The following DIAPH2 variants were observed in gnomAD, a reference collection of about 807,000 sequenced individuals.
DIAPH2 encodes protein diaphanous homolog 2.
DIAPH2 carries 35 observed loss-of-function variants against 92.7 expected under a neutral mutation model. That is an observed-to-expected ratio of 0.38 (90% CI 0.29 to 0.50). The LOEUF is 0.50. DIAPH2 is among the 20% of genes least tolerant of loss of function. The pLI, the probability that DIAPH2 is intolerant of heterozygous loss-of-function variation, is 0.94. For missense variants in DIAPH2, 701 were observed against 819.5 expected (o/e 0.86, Z 1.77); for synonymous variants, 301 against 280.4 (o/e 1.07, Z -0.73).
At chrX:97,444,769 TAAAC>T (rs1205842710) in intron 26 of DIAPH2, among the ~76,000 whole-genome samples, 1 of 111,955 alleles carries the variant, frequency 8.9e-6, no homozygotes, top group African/African-American at 3.2e-5. Flanking sequence ...TCATCAACCA[TAAAC>T]AATCATGAAT....
chrX:97,081,692 C>A (rs181928803), intron 19 of DIAPH2: 1 of 109,287 alleles, frequency 9.2e-6, no homozygotes, highest in Non-Finnish European at 1.9e-5. Flanking sequence ...TGGTGGTGCA[C>A]GCCTGTAATC....
chrX:97,398,711 T>C (rs1196629936), intron 25 of DIAPH2, among the ~76,000 whole-genome samples: 2 of 110,451 alleles, frequency 1.8e-5, no homozygotes, highest in East Asian at 2.8e-4. Context: ...CCCTAGACTT[T>C]AGTAGTTAAC....
chrX:97,509,326 C>A (rs1047562087), intron 26 of DIAPH2, among the ~76,000 whole-genome samples: 4 of 109,496 alleles, frequency 3.7e-5, no homozygotes, highest in African/African-American at 9.9e-5. Context: ...GGATTACAGG[C>A]GTAAGCCACT....
intron 23 of DIAPH2, among the ~76,000 whole-genome samples, chrX:97,275,766 C>T (rs1244498590): frequency 9.2e-6 from 1 of 108,877 alleles, no homozygotes; most frequent in African/African-American, 3.3e-5. Flanking sequence ...GGATGGCGGC[C>T]GGGAAGAGGC....
intron 5 of DIAPH2, among the ~76,000 whole-genome samples, chrX:96,899,044 C>T (rs748161943): frequency 1.1e-4 from 12 of 108,430 alleles, no homozygotes; most frequent in South Asian, 4.1e-4. Context: ...TGTAGATATG[C>T]GGCATTATTT....
chrX:97,079,973 A>T (rs1307333643), intron 19 of DIAPH2, among the ~76,000 whole-genome samples: 1 of 111,454 alleles, frequency 9.0e-6, no homozygotes, highest in Non-Finnish European at 1.9e-5. Flanking sequence ...TATATACCAG[A>T]CACCTGTATT....
At chrX:97,383,806 G>C in intron 24 of DIAPH2, 103 bp from the exon 25 acceptor site, 1 of 741,179 alleles carries the variant, frequency 1.3e-6, no homozygotes, top group Non-Finnish European at 1.8e-6. Context: ...GTTTAACTTT[G>C]TTTATATGTA....
intron 3 of DIAPH2, among the ~76,000 whole-genome samples, chrX:96,740,980 C>G (rs967375247): frequency 9.0e-6 from 1 of 110,666 alleles, no homozygotes; most frequent in East Asian, 2.9e-4. Flanking sequence ...GCTTAATTTA[C>G]GAGTAAATTG....
In DIAPH2 at chrX:97,175,326, C is replaced by A. The variant is rs1422967054; in HGVS notation, c.2719+33532C>A. Among the ~76,000 whole-genome samples the A allele has an allele frequency of 7.2e-5, 8 of 111,590 alleles. No homozygotes were observed. The Admixed American group carries it at 7.7e-4, about 11-fold the overall frequency. On this transcript the variant is annotated intron_variant, in intron 22 of 26. Transcript: ENST00000324765. ...CATAGGCTGTCATCTGATATCAGCA[C>A]TTATGTAATGTCACGATAGGTGGTG...
At chrX:97,348,986 GTGTGTGTATATATATA>G (rs1388517246) in intron 24 of DIAPH2, among the ~76,000 whole-genome samples, 1 of 107,820 alleles carries the variant, frequency 9.3e-6, no homozygotes, top group Non-Finnish European at 1.9e-5. Flanking sequence ...AGGTAAAGGT[GTGTGTGTATATATATA>G]TGTGTGTGTA....
rs1023266086 is a variant in DIAPH2 at position 96,862,723 on chromosome X, A to G, written c.448-18856A>G. ...GACATAGACTGGTTTTGTATTATGT[A>G]TACAGTGACCATTAAAACAATGCCA... On this transcript the variant is annotated intron_variant, in intron 4 of 26. Transcript: ENST00000324765. Among the ~76,000 whole-genome samples the G allele has an allele frequency of 5.4e-5, 6 of 112,142 alleles. No homozygotes were observed. In the South Asian group the frequency reaches 2.2e-3, roughly 42 times the overall value.
intron 14 of DIAPH2, among the ~76,000 whole-genome samples, chrX:96,946,183 A>G (rs1569432660): frequency 8.9e-6 from 1 of 111,935 alleles, no homozygotes; most frequent in Non-Finnish European, 1.9e-5. Context: ...GCCTTTGAGT[A>G]AATGCCAGCT....
At chrX:97,309,203 C>T (rs1430957270) in intron 23 of DIAPH2, among the ~76,000 whole-genome samples, 1 of 108,229 alleles carries the variant, frequency 9.2e-6, no homozygotes, top group Non-Finnish European at 1.9e-5. Context: ...TGGGTTCAAG[C>T]GACTCCTGCC....
At chrX:97,282,041 A>G (rs935085452) in intron 23 of DIAPH2, among the ~76,000 whole-genome samples, 1 of 111,162 alleles carries the variant, frequency 9.0e-6, no homozygotes, top group Non-Finnish European at 1.9e-5. Flanking sequence ...AAAGAAAAAA[A>G]AAGCATTGAT....
At chrX:97,357,738 T>G (rs1367805289) in intron 24 of DIAPH2, among the ~76,000 whole-genome samples, 2 of 111,807 alleles carry the variant, frequency 1.8e-5, no homozygotes, top group African/African-American at 3.2e-5. Context: ...AAAATCAAAA[T>G]ATTTGCTCTC....
chrX:97,422,927 T>A (rs141561009), intron 25 of DIAPH2, among the ~76,000 whole-genome samples: 2 of 111,988 alleles, frequency 1.8e-5, no homozygotes, highest in African/African-American at 6.5e-5. Context: ...CACACAAGAC[T>A]CCTGGGTCAG....
chrX:97,515,545 G>T (rs1162307796), intron 26 of DIAPH2, among the ~76,000 whole-genome samples: 1 of 112,170 alleles, frequency 8.9e-6, no homozygotes, highest in Non-Finnish European at 1.9e-5. Flanking sequence ...ACCCAAACCT[G>T]TGTATTCTTA....
intron 4 of DIAPH2, among the ~76,000 whole-genome samples, chrX:96,830,175 A>T (rs1055004029): frequency 2.7e-5 from 3 of 111,920 alleles, no homozygotes; most frequent in African/African-American, 9.7e-5. Flanking sequence ...TAATTTGATA[A>T]AAGGATCATA....
chrX:97,533,749 C>A (rs753780478), intron 26 of DIAPH2, among the ~76,000 whole-genome samples: 5 of 111,806 alleles, frequency 4.5e-5, no homozygotes, highest in Non-Finnish European at 9.4e-5. Flanking sequence ...CCCCCTCTAG[C>A]CTTAACTACT....
Sources: gnomAD v4.1 joint callset for allele counts (sites outside exome capture counted in the v4.1 genomes callset) on GRCh38, gnomAD v4.1.1 for gene constraint, MANE v1.5 for transcripts, NCBI Gene and HGNC (gene_info 2026-07-23, HGNC 2026-07-21) for gene names.